LDLRAD4: variants seen among roughly 807,000 people sequenced by gnomAD.
The protein encoded by LDLRAD4 is low-density lipoprotein receptor class A domain-containing protein 4.
Under a neutral mutation model 17.0 loss-of-function variants are expected in LDLRAD4, and 5 were observed. The ratio of observed to expected loss-of-function variants is 0.29; its 90% CI spans 0.15 to 0.62. The LOEUF (loss-of-function observed/expected upper bound fraction) is 0.62, where lower values mean the gene tolerates loss of function less well. Ranked by LOEUF, LDLRAD4 falls within the 20% of genes least tolerant of loss-of-function variation. The pLI is 0.84. For missense variants in LDLRAD4, 340 were observed against 424.7 expected, an observed-to-expected ratio of 0.80 and a Z score of 1.75; for synonymous variants, 168 against 171.8, an observed-to-expected ratio of 0.98 and a Z score of 0.17.
At chr18:13,600,894 A>G (rs557524426) in intron 3 of LDLRAD4, among the ~76,000 whole-genome samples, 2 of 152,192 alleles carry the variant, frequency 1.3e-5, no homozygotes, top group East Asian at 1.9e-4. Flanking sequence ...TTAACACTCT[A>G]TTTTACTGTA....
At chr18:13,283,715 C>T (rs188896113) in intron 1 of LDLRAD4, among the ~76,000 whole-genome samples, 79 of 152,338 alleles carry the variant, frequency 5.2e-4, no homozygotes, top group Non-Finnish European at 7.9e-4. Flanking sequence ...GTTCCAAAAT[C>T]ACTTTCACAT....
chr18:13,619,655 G>A (rs1568415845), intron 3 of LDLRAD4, among the ~76,000 whole-genome samples: 1 of 152,160 alleles, frequency 6.6e-6, no homozygotes, highest in African/African-American at 2.4e-5. Context: ...ACAGGCCACG[G>A]GGAACCCAAG....
At chr18:13,350,698 C>A (rs1319960833) in intron 1 of LDLRAD4, among the ~76,000 whole-genome samples, 1 of 152,302 alleles carries the variant, frequency 6.6e-6, no homozygotes, top group South Asian at 2.1e-4. Context: ...GTCATGAAAT[C>A]TTTGCCCATG....
intron 3 of LDLRAD4, among the ~76,000 whole-genome samples, chr18:13,573,428 T>G (rs1387659716): frequency 6.6e-6 from 1 of 151,258 alleles, no homozygotes; most frequent in Non-Finnish European, 1.5e-5. Context: ...TTAGTAGAGA[T>G]GAAGTTTTGC....
intron 3 of LDLRAD4, among the ~76,000 whole-genome samples, chr18:13,574,014 C>A (rs1435006991): frequency 6.6e-6 from 1 of 152,070 alleles, no homozygotes; most frequent in Non-Finnish European, 1.5e-5. Flanking sequence ...TCATGCATAG[C>A]GATGGATACA....
At chr18:13,345,728 G>A (rs2082644730) in intron 1 of LDLRAD4, among the ~76,000 whole-genome samples, 1 of 151,940 alleles carries the variant, frequency 6.6e-6, no homozygotes, top group Non-Finnish European at 1.5e-5. Flanking sequence ...TTTTTTGGTT[G>A]GTAAGCTATT....
At chr18:13,409,880 G>A (rs1390990304) in intron 2 of LDLRAD4, among the ~76,000 whole-genome samples, 1 of 152,136 alleles carries the variant, frequency 6.6e-6, no homozygotes, top group Non-Finnish European at 1.5e-5. Context: ...AAGTATAAAT[G>A]TTTATTAATT....
At chr18:13,547,229 G>A (rs1002302138) in intron 3 of LDLRAD4, among the ~76,000 whole-genome samples, 4 of 152,194 alleles carry the variant, frequency 2.6e-5, no homozygotes, top group East Asian at 1.9e-4. Flanking sequence ...ATCCATTAGG[G>A]TCCAGTGATT....
chr18:13,642,414 G>T, intron 4 of LDLRAD4: 1 of 1,125,682 alleles, frequency 8.9e-7, no homozygotes, highest in Non-Finnish European at 1.1e-6. Context: ...TTCCCAGCAC[G>T]CGTGGGGCCT....
intron 3 of LDLRAD4, among the ~76,000 whole-genome samples, chr18:13,577,032 A>G (rs1032931207): frequency 1.3e-5 from 2 of 152,168 alleles, no homozygotes; most frequent in African/African-American, 4.8e-5. Context: ...TGAAGTCCAC[A>G]GGGTTTAATT....
intron 1 of LDLRAD4, among the ~76,000 whole-genome samples, chr18:13,339,281 G>A (rs1240573916): frequency 6.6e-6 from 1 of 151,458 alleles, no homozygotes; most frequent in Admixed American, 6.6e-5. Context: ...TGGGATCTTG[G>A]CTCACTGCAA....
chr18:13,501,671 C>G (rs1354859707), intron 3 of LDLRAD4, among the ~76,000 whole-genome samples: 3 of 151,656 alleles, frequency 2.0e-5, no homozygotes. Context: ...CATAGAAACC[C>G]AAGGGGTCCG....
intron 3 of LDLRAD4, among the ~76,000 whole-genome samples, chr18:13,537,472 C>T (rs1231606070): frequency 2.0e-5 from 3 of 152,184 alleles, no homozygotes; most frequent in African/African-American, 7.2e-5. Flanking sequence ...AGATCCCTCA[C>T]CTGCACAGTT....
chr18:13,218,956 G>C (rs1272726441), exon 1 of LDLRAD4: 1 of 152,340 alleles, frequency 6.6e-6, no homozygotes, highest in Non-Finnish European at 1.5e-5. Context: ...CCTTCCCGGT[G>C]CGCCGCCCCG....
chr18:13,539,178 C>T (rs1048981116), intron 3 of LDLRAD4, among the ~76,000 whole-genome samples: 1 of 152,122 alleles, frequency 6.6e-6, no homozygotes, highest in African/African-American at 2.4e-5. Flanking sequence ...CATCTTTATG[C>T]CTTCCCTGCA....
exon 3 of LDLRAD4, chr18:13,438,375 A>G (rs1486173812): frequency 1.9e-6 from 3 of 1,613,964 alleles, no homozygotes; most frequent in Admixed American, 3.3e-5. Flanking sequence ...GCCTCCGGGC[A>G]TCTTCAACTG....
At chr18:13,250,321 CT>C (rs140611551) in intron 1 of LDLRAD4, among the ~76,000 whole-genome samples, 22 of 150,648 alleles carry the variant, frequency 1.5e-4, no homozygotes, top group Admixed American at 1.4e-3. Flanking sequence ...GAAACTTTGG[CT>C]TTTTTTTTCC....
At chr18:13,255,328 G>A (rs1206881402) in intron 1 of LDLRAD4, among the ~76,000 whole-genome samples, 1 of 152,220 alleles carries the variant, frequency 6.6e-6, no homozygotes, top group East Asian at 1.9e-4. Context: ...AACAAAGAGT[G>A]GGGTTTGATG....
chr18:13,430,758 G>A (rs2090281125), intron 2 of LDLRAD4, among the ~76,000 whole-genome samples: 1 of 152,162 alleles, frequency 6.6e-6, no homozygotes, highest in Admixed American at 6.5e-5. Flanking sequence ...TAATGCCTCT[G>A]GTCTCACACA....
Sources: allele counts gnomAD v4.1 joint callset (sites outside exome capture counted in the v4.1 genomes callset), GRCh38; gene constraint gnomAD v4.1.1; transcripts MANE v1.5; gene names NCBI Gene and HGNC (gene_info 2026-07-23, HGNC 2026-07-21).